Variants in SMAP1 observed in about 807,000 individuals in gnomAD.
The protein encoded by SMAP1 is small ArfGAP 1.
Under a neutral mutation model 58.5 loss-of-function variants are expected in SMAP1, and 24 were observed. That is an observed-to-expected ratio of 0.41 (90% confidence interval 0.30 to 0.58). SMAP1 has a LOEUF of 0.58. Among genes scored for constraint, SMAP1 ranks in the 20% least tolerant of loss-of-function variants. The pLI is 0.29. For missense variants in SMAP1, 563 were observed against 566.3 expected, an observed-to-expected ratio of 0.99 and a Z score of 0.06; for synonymous variants, 216 against 196.6, an observed-to-expected ratio of 1.10 and a Z score of -0.82.
intron 3 of SMAP1, among the ~76,000 whole-genome samples, chr6:70,767,334 G>C (rs1767040916): frequency 6.6e-6 from 1 of 152,002 alleles, no homozygotes; most frequent in Non-Finnish European, 1.5e-5. Context: ...AAATTACCTT[G>C]GGCAGTATGG....
chr6:70,714,308 C>T (rs76563344), intron 1 of SMAP1, among the ~76,000 whole-genome samples: 8 of 151,982 alleles, frequency 5.3e-5, no homozygotes, highest in African/African-American at 1.7e-4. Context: ...TTGTTTTGTC[C>T]TCCTTTTTCT....
In SMAP1 at chr6:70,707,137, A is replaced by G. The variant is rs555287155; in HGVS notation, c.119-25241A>G. 2.0e-5 allele frequency among the ~76,000 whole-genome samples: 3 copies of G among 152,244 alleles called. No individual in the cohort carries two copies. In the East Asian group the frequency reaches 5.8e-4, roughly 29 times the overall value. On this transcript the variant is annotated intron_variant, in intron 1 of 10. Transcript: ENST00000370455. ...CTATTAGAGTAACTTTATTCCAATTATGATGTACTGGAATTTGGATTCATG... is the reference window on the plus strand; with the variant it reads ...CTATTAGAGTAACTTTATTCCAATTGTGATGTACTGGAATTTGGATTCATG...
intron 3 of SMAP1, among the ~76,000 whole-genome samples, chr6:70,756,180 G>A (rs1038349841): frequency 6.6e-6 from 1 of 152,034 alleles, no homozygotes; most frequent in Non-Finnish European, 1.5e-5. Context: ...TTGTAGGTAC[G>A]TGGATTCTGT....
rs543046911 is a variant in SMAP1, at chr6:70,697,692, T to G, written c.118+29551T>G. Among the ~76,000 whole-genome samples the G allele has an allele frequency of 2.2e-3, 329 of 152,324 alleles. 1 individual carries two copies. Among genetic ancestry groups the G allele is most frequent in the African/African-American group, 7.6e-3 (315 of 41,574 alleles). ...ATTTTTTATGTATCTTGTGTAGGGT[T>G]TTTTGACTTGATGTTACCATGAGGC... On this transcript the variant is annotated intron_variant, in intron 1 of 10. Transcript: ENST00000370455.
chr6:70,674,846 A>G (rs145830113), intron 1 of SMAP1, among the ~76,000 whole-genome samples: 1,973 of 152,320 alleles, frequency 0.013, 19 homozygotes, highest in Middle Eastern at 0.027. Context: ...GCAGTGGCAC[A>G]TGCCTGTAGT....
chr6:70,831,781 C>T (rs1770369770), intron 6 of SMAP1, among the ~76,000 whole-genome samples: 1 of 151,954 alleles, frequency 6.6e-6, no homozygotes, highest in East Asian at 1.9e-4. Context: ...GGGCATATAC[C>T]CAATGATAGG....
chr6:70,831,870 T>C (rs536318197), intron 6 of SMAP1, among the ~76,000 whole-genome samples: 1 of 152,328 alleles, frequency 6.6e-6, no homozygotes, highest in East Asian at 1.9e-4. Context: ...TGGACTAATT[T>C]ACATTCCTAC....
At chr6:70,750,292 C>G (rs1018106396) in intron 2 of SMAP1, among the ~76,000 whole-genome samples, 2 of 152,146 alleles carry the variant, frequency 1.3e-5, no homozygotes, top group African/African-American at 4.8e-5. Context: ...CATTTGCTTG[C>G]TTACTCATTG....
At chr6:70,815,566 A>G (rs910138027) in intron 6 of SMAP1, among the ~76,000 whole-genome samples, 3 of 152,150 alleles carry the variant, frequency 2.0e-5, no homozygotes, top group African/African-American at 7.2e-5. Flanking sequence ...CAGGTGACCT[A>G]TAGCTAGAAA....
intron 10 of SMAP1, chr6:70,859,547 T>TAA (rs777497933): frequency 1.7e-5 from 10 of 593,166 alleles, no homozygotes; most frequent in African/African-American, 3.8e-5. Context: ...ACTCTGAGTG[T>TAA]AAGTTTTAAA....
intron 1 of SMAP1, among the ~76,000 whole-genome samples, chr6:70,687,824 T>C (rs539478568): frequency 6.6e-6 from 1 of 152,300 alleles, no homozygotes; most frequent in African/African-American, 2.4e-5. Context: ...TGTGTGTGTG[T>C]GTGCATGTAT....
intron 5 of SMAP1, among the ~76,000 whole-genome samples, chr6:70,796,235 A>G (rs1209332778): frequency 6.6e-6 from 1 of 152,230 alleles, no homozygotes; most frequent in Non-Finnish European, 1.5e-5. Flanking sequence ...GCACATAGTA[A>G]CGGTTCAGAA....
At chr6:70,705,236 A>G (rs1339885060) in intron 1 of SMAP1, among the ~76,000 whole-genome samples, 1 of 148,352 alleles carries the variant, frequency 6.7e-6, no homozygotes, top group African/African-American at 2.5e-5. Context: ...TTCTCCAACT[A>G]TTTCAGTTCA....
intron 1 of SMAP1, among the ~76,000 whole-genome samples, chr6:70,686,787 T>G (rs903476116): frequency 6.6e-6 from 1 of 152,200 alleles, no homozygotes; most frequent in Non-Finnish European, 1.5e-5. Context: ...AGTAATTTCT[T>G]TGAATGTAAT....
chr6:70,805,921 C>T (rs1431397793), intron 6 of SMAP1, among the ~76,000 whole-genome samples: 50 of 152,192 alleles, frequency 3.3e-4, no homozygotes, highest in Non-Finnish European at 4.4e-5. Flanking sequence ...TGTCTGTCGG[C>T]CCCTACTGGG....
intron 3 of SMAP1, among the ~76,000 whole-genome samples, chr6:70,770,460 T>A (rs1250913142): frequency 6.6e-6 from 1 of 152,212 alleles, no homozygotes; most frequent in Non-Finnish European, 1.5e-5. Context: ...TTTTATTCTT[T>A]TTTCTCTAAA....
chr6:70,837,089 G>A, intron 7 of SMAP1, 61 bp downstream of exon 7: 4 of 1,263,352 alleles, frequency 3.2e-6, no homozygotes, highest in Non-Finnish European at 3.2e-6. Flanking sequence ...CCTTTACTTG[G>A]AGTGAATATA....
intron 1 of SMAP1, among the ~76,000 whole-genome samples, chr6:70,678,536 G>A (rs991973707): frequency 6.6e-6 from 1 of 152,196 alleles, no homozygotes; most frequent in Non-Finnish European, 1.5e-5. Context: ...ATCATCACCA[G>A]TATATTAATT....
intron 7 of SMAP1, among the ~76,000 whole-genome samples, chr6:70,837,504 T>C (rs1309138728): frequency 6.6e-6 from 1 of 152,176 alleles, no homozygotes; most frequent in South Asian, 2.1e-4. Context: ...ACTAGATTCA[T>C]ATAACTTATT....
Sources: allele counts gnomAD v4.1 joint callset (sites outside exome capture counted in the v4.1 genomes callset), GRCh38; gene constraint gnomAD v4.1.1; transcripts MANE v1.5; gene names NCBI Gene and HGNC (gene_info 2026-07-23, HGNC 2026-07-21).